Variants in ATG7 observed in about 807,000 individuals in gnomAD.
ATG7 encodes the protein ubiquitin-like modifier-activating enzyme ATG7.
Under a neutral mutation model 82.4 loss-of-function variants are expected in ATG7, and 70 were observed. That is an observed-to-expected ratio of 0.85 (90% CI 0.70 to 1.04). The LOEUF is 1.04. Among genes scored for constraint, ATG7 ranks in the 50% least tolerant of loss-of-function variants. ATG7 has a pLI of 0.00. For missense variants in ATG7, 792 were observed against 864.3 expected (o/e 0.92, Z 1.05); for synonymous variants, 287 against 313.0 (o/e 0.92, Z 0.88).
chr3:11,483,473 G>A (rs1196973570), intron 20 of ATG7, among the ~76,000 whole-genome samples: 1 of 152,148 alleles, frequency 6.6e-6, no homozygotes, highest in African/African-American at 2.4e-5. Context: ...TTTCTTGGGG[G>A]TAGGGAATAC....
downstream of ATG7, chr3:11,558,842 G>A (rs1367103433): frequency 6.2e-7 from 1 of 1,608,384 alleles, no homozygotes; most frequent in East Asian, 2.2e-5. Flanking sequence ...AGGCAAGCAG[G>A]AAGGCAGGCA....
chr3:11,515,394 C>T (rs1383628834), intron 20 of ATG7, among the ~76,000 whole-genome samples: 2 of 151,972 alleles, frequency 1.3e-5, no homozygotes, highest in African/African-American at 4.8e-5. Context: ...ACCTCCACCT[C>T]CCCGGTTCAA....
At chr3:11,480,747 T>C (rs1489490310) in intron 20 of ATG7, among the ~76,000 whole-genome samples, 1 of 152,198 alleles carries the variant, frequency 6.6e-6, no homozygotes, top group African/African-American at 2.4e-5. Context: ...TCCATAACAA[T>C]TCACTGCCAA....
At chr3:11,408,177 G>C (rs1337894072) in intron 19 of ATG7, among the ~76,000 whole-genome samples, 2 of 152,160 alleles carry the variant, frequency 1.3e-5, no homozygotes, top group African/African-American at 4.8e-5. Context: ...CATCTCTCAA[G>C]TTCAAAGTTC....
intron 20 of ATG7, among the ~76,000 whole-genome samples, chr3:11,490,337 C>T (rs1428115269): frequency 5.9e-5 from 9 of 152,176 alleles, no homozygotes; most frequent in Non-Finnish European, 1.3e-4. Flanking sequence ...GATCTTCCTC[C>T]ATGCTTTTAT....
intron 17 of ATG7, chr3:11,363,172 A>G (rs1028231337): frequency 5.9e-5 from 26 of 437,182 alleles, no homozygotes; most frequent in Non-Finnish European, 9.3e-5. Flanking sequence ...TATTTTTCCA[A>G]CGCTTATATA....
chr3:11,461,824 A>T (rs532239312), intron 20 of ATG7, among the ~76,000 whole-genome samples: 1 of 152,176 alleles, frequency 6.6e-6, no homozygotes, highest in Admixed American at 6.5e-5. Flanking sequence ...CAGGAGATTG[A>T]GACCATCCTG....
chr3:11,561,760 G>T (rs1047099537), downstream of ATG7, among the ~76,000 whole-genome samples: 4 of 152,208 alleles, frequency 2.6e-5, no homozygotes, highest in South Asian at 8.3e-4. Flanking sequence ...GCCAGTATGA[G>T]CCCTGTCACT....
chr3:11,503,943 T>A (rs2091531303), intron 20 of ATG7, among the ~76,000 whole-genome samples: 1 of 151,912 alleles, frequency 6.6e-6, no homozygotes, highest in Non-Finnish European at 1.5e-5. Flanking sequence ...AGAAGCAATA[T>A]TCAAATAATA....
At chr3:11,558,743 T>C (rs1325721354), downstream of ATG7, 2 of 1,614,070 alleles carry the variant, frequency 1.2e-6, no homozygotes, top group East Asian at 2.2e-5. Flanking sequence ...GGACACGGAG[T>C]TGGGTGCCGG....
chr3:11,485,566 T>G (rs1041333195), intron 20 of ATG7, among the ~76,000 whole-genome samples: 7 of 152,240 alleles, frequency 4.6e-5, no homozygotes, highest in African/African-American at 1.7e-4. Flanking sequence ...TTTGTCTATT[T>G]TGGCTTTTGT....
At chr3:11,575,517 G>C in the ATG7 span, among the ~76,000 whole-genome samples, 1 of 152,112 alleles carries the variant, frequency 6.6e-6, no homozygotes, top group African/African-American at 2.4e-5. Context: ...TCCTTTCCTT[G>C]GGCACAATCG....
the ATG7 span, among the ~76,000 whole-genome samples, chr3:11,564,017 C>T: frequency 1.3e-5 from 2 of 152,156 alleles, no homozygotes; most frequent in Admixed American, 6.5e-5. Context: ...CCCGGAGGCA[C>T]CCCCTCGGGG....
rs550052977 is a variant in ATG7, at chr3:11,351,542, G to A, written c.1284+3507G>A. Reference sequence around the variant, plus strand: ...GAAGGCTGAGGTGGGAGCAAGGGACGCCATGCTGGGCCTGAGAGAGCAAGT... The same window carrying A: ...GAAGGCTGAGGTGGGAGCAAGGGACACCATGCTGGGCCTGAGAGAGCAAGT... On this transcript the variant is annotated intron_variant, in intron 14 of 20. Transcript: ENST00000693202. Among the ~76,000 whole-genome samples, 14 of 152,312 alleles carry A rather than the reference G, an allele frequency of 9.2e-5. No homozygotes were observed. In the South Asian group the frequency reaches 2.3e-3, roughly 25 times the overall value.
intron 18 of ATG7, among the ~76,000 whole-genome samples, chr3:11,375,376 A>G (rs2077339348): frequency 6.6e-6 from 1 of 152,250 alleles, no homozygotes. Flanking sequence ...AAAAAGATAG[A>G]CAAGTGGTCA....
In ATG7 at chr3:11,400,763, G is replaced by A. The variant is rs141634934; in HGVS notation, c.1956+20711G>A. Among the ~76,000 whole-genome samples the A allele has an allele frequency of 4.9e-3, 743 of 152,150 alleles. 6 individuals carry two copies. Among genetic ancestry groups the A allele is most frequent in the African/African-American group, 0.017 (710 of 41,508 alleles). On this transcript the variant is annotated intron_variant, in intron 19 of 20. Transcript: ENST00000693202. Reference sequence around the variant, plus strand: ...AACCTTCTTGATGGAACTTGCCTGCGAAGCATGTTCTTATATAATTCTCAA... The same window carrying A: ...AACCTTCTTGATGGAACTTGCCTGCAAAGCATGTTCTTATATAATTCTCAA...
At chr3:11,517,841 C>T (rs2092327505) in intron 20 of ATG7, among the ~76,000 whole-genome samples, 1 of 152,176 alleles carries the variant, frequency 6.6e-6, no homozygotes, top group South Asian at 2.1e-4. Flanking sequence ...CAAGGCTTTG[C>T]CAGCTATACA....
intron 20 of ATG7, among the ~76,000 whole-genome samples, chr3:11,503,996 TAAGG>T (rs2091535946): frequency 6.6e-6 from 1 of 150,966 alleles, no homozygotes; most frequent in African/African-American, 2.4e-5. Flanking sequence ...CCAGAAAAAA[TAAGG>T]AAGAAATTAA....
intron 20 of ATG7, among the ~76,000 whole-genome samples, chr3:11,482,262 C>T (rs1482476347): frequency 6.6e-6 from 1 of 152,196 alleles, no homozygotes; most frequent in Non-Finnish European, 1.5e-5. Flanking sequence ...AACACAACAG[C>T]GCTCAGCATC....
Sources: gnomAD v4.1 joint callset for allele counts (sites outside exome capture counted in the v4.1 genomes callset) on GRCh38, gnomAD v4.1.1 for gene constraint, MANE v1.5 for transcripts, NCBI Gene and HGNC (gene_info 2026-07-23, HGNC 2026-07-21) for gene names.